PPP2R2B: variants seen among roughly 807,000 people sequenced by gnomAD.
PPP2R2B encodes serine/threonine-protein phosphatase 2A 55 kDa regulatory subunit B beta isoform.
In PPP2R2B, 5 loss-of-function variants were observed where a neutral mutation model predicts 46.0. That is an observed-to-expected ratio of 0.11 (90% CI 0.06 to 0.23). The LOEUF (loss-of-function observed/expected upper bound fraction) is 0.23. Ranked by LOEUF, PPP2R2B falls within the 10% of genes least tolerant of loss-of-function variation. PPP2R2B has a pLI of 1.00. For missense variants in PPP2R2B, 367 were observed against 575.0 expected (o/e 0.64, Z 3.70); for synonymous variants, 215 against 206.7 (o/e 1.04, Z -0.34).
chr5:146,751,942 G>A (rs1234885620), intron 2 of PPP2R2B, among the ~76,000 whole-genome samples: 1 of 152,120 alleles, frequency 6.6e-6, no homozygotes, highest in Non-Finnish European at 1.5e-5. Flanking sequence ...GAGTGTGCTA[G>A]GGCAGAAGAG....
intron 2 of PPP2R2B, among the ~76,000 whole-genome samples, chr5:146,716,465 TAC>T (rs1294686224): frequency 2.3e-4 from 35 of 152,228 alleles, no homozygotes; most frequent in African/African-American, 6.7e-4. Context: ...TCTCTAATAA[TAC>T]AATTTAGCTC....
chr5:146,775,886 A>C (rs1158907030), intron 2 of PPP2R2B, among the ~76,000 whole-genome samples: 2 of 152,092 alleles, frequency 1.3e-5, no homozygotes, highest in Non-Finnish European at 2.9e-5. Context: ...CAATAGCATA[A>C]AAAATAATAA....
intron 2 of PPP2R2B, among the ~76,000 whole-genome samples, chr5:146,735,343 C>T (rs533166125): frequency 2.6e-5 from 4 of 151,362 alleles, no homozygotes; most frequent in African/African-American, 7.3e-5. Flanking sequence ...CACAATCCTT[C>T]TACTCTCTTC....
At chr5:146,926,618 T>A (rs1294963211) in intron 1 of PPP2R2B, among the ~76,000 whole-genome samples, 3 of 152,140 alleles carry the variant, frequency 2.0e-5, no homozygotes, top group Non-Finnish European at 4.4e-5. Flanking sequence ...TGATTGAACA[T>A]CATTTATGTT....
chr5:146,774,508 A>T (rs2151274299), intron 2 of PPP2R2B, among the ~76,000 whole-genome samples: 1 of 152,224 alleles, frequency 6.6e-6, no homozygotes, highest in East Asian at 1.9e-4. Context: ...TACAGAAAAA[A>T]AAAATGGATG....
chr5:146,719,285 A>G (rs917234808), intron 2 of PPP2R2B, among the ~76,000 whole-genome samples: 1 of 152,214 alleles, frequency 6.6e-6, no homozygotes, highest in Non-Finnish European at 1.5e-5. Context: ...TATGCAAAGC[A>G]CTTAGAATGG....
At chr5:146,850,810 T>G (rs1760303023) in intron 2 of PPP2R2B, among the ~76,000 whole-genome samples, 1 of 152,166 alleles carries the variant, frequency 6.6e-6, no homozygotes, top group East Asian at 1.9e-4. Context: ...TGTCACTCCA[T>G]ATTCCTGGTA....
upstream of PPP2R2B, among the ~76,000 whole-genome samples, chr5:147,056,992 A>T (rs1757107331): frequency 6.6e-6 from 1 of 152,236 alleles, no homozygotes; most frequent in Non-Finnish European, 1.5e-5. Flanking sequence ...CCTGAGAAAG[A>T]TTTTTAAAAA....
chr5:146,966,441 A>G (rs1315630892), intron 1 of PPP2R2B, among the ~76,000 whole-genome samples: 1 of 152,180 alleles, frequency 6.6e-6, no homozygotes, highest in African/African-American at 2.4e-5. Flanking sequence ...AAACTGACAC[A>G]AAGACCTGAG....
chr5:146,749,566 T>C (rs1195766948), intron 2 of PPP2R2B, among the ~76,000 whole-genome samples: 1 of 151,992 alleles, frequency 6.6e-6, no homozygotes, highest in Non-Finnish European at 1.5e-5. Flanking sequence ...ACTCTTTGCT[T>C]AGCCTAGATC....
exon 1 of PPP2R2B, chr5:147,055,887 T>C: frequency 6.9e-7 from 1 of 1,450,870 alleles, no homozygotes; most frequent in Non-Finnish European, 9.0e-7. Flanking sequence ...GCCCGAGGAA[T>C]AACTGGAGAT....
intron 2 of PPP2R2B, among the ~76,000 whole-genome samples, chr5:147,061,222 A>G (rs569215738): frequency 1.3e-5 from 2 of 152,332 alleles, no homozygotes; most frequent in African/African-American, 4.8e-5. Flanking sequence ...TAATAAACAA[A>G]CATTACATGA....
chr5:147,079,445 C>CATATATATATATATATATATATACATAT (rs1757904324), intron 2 of PPP2R2B, among the ~76,000 whole-genome samples: 1 of 132,302 alleles, frequency 7.6e-6, no homozygotes, highest in African/African-American at 2.8e-5. Context: ...TATATATATA[C>CATATATATATATATATATATATACATAT]ATATATATAT....
intron 1 of PPP2R2B, among the ~76,000 whole-genome samples, chr5:146,972,167 A>G (rs1369799471): frequency 2.0e-5 from 3 of 151,010 alleles, no homozygotes; most frequent in African/African-American, 4.9e-5. Context: ...ATGTCTCTCA[A>G]TTTGGGTTTG....
chr5:147,043,738 A>G (rs1250085038), intron 1 of PPP2R2B, among the ~76,000 whole-genome samples: 1 of 152,146 alleles, frequency 6.6e-6, no homozygotes, highest in East Asian at 1.9e-4. Flanking sequence ...ATACTGAAGT[A>G]AGCTTTATGA....
chr5:146,622,713 G>A (rs1266143475), intron 7 of PPP2R2B, among the ~76,000 whole-genome samples: 1 of 152,146 alleles, frequency 6.6e-6, no homozygotes, highest in South Asian at 2.1e-4. Context: ...GAAAAGTTGA[G>A]TTGGAAACAA....
At chr5:146,739,376 T>C (rs1752732103) in intron 2 of PPP2R2B, among the ~76,000 whole-genome samples, 1 of 152,148 alleles carries the variant, frequency 6.6e-6, no homozygotes, top group Non-Finnish European at 1.5e-5. Context: ...GGAGAAAGCA[T>C]TCCAAACCCA....
At chr5:146,847,849 G>A (rs1219726018) in intron 2 of PPP2R2B, among the ~76,000 whole-genome samples, 1 of 152,116 alleles carries the variant, frequency 6.6e-6, no homozygotes, top group Non-Finnish European at 1.5e-5. Context: ...AGCCCAGATG[G>A]ATTTAGTAAA....
intron 1 of PPP2R2B, among the ~76,000 whole-genome samples, chr5:147,018,043 GCACA>G (rs60161356): frequency 0.061 from 2,950 of 48,194 alleles, 39 homozygotes; most frequent in Non-Finnish European, 0.072. Context: ...GCATGCGCGC[GCACA>G]CACACACACA....
Sources: gnomAD v4.1 joint callset for allele counts (sites outside exome capture counted in the v4.1 genomes callset) on GRCh38, gnomAD v4.1.1 for gene constraint, MANE v1.5 for transcripts, NCBI Gene and HGNC (gene_info 2026-07-23, HGNC 2026-07-21) for gene names.